EPHA6: variants seen among roughly 807,000 people sequenced by gnomAD.
EPHA6 encodes the protein EPH receptor A6.
In EPHA6, 50 loss-of-function variants were observed where a neutral mutation model predicts 112.0. The ratio of observed to expected loss-of-function variants is 0.45; its 90% CI spans 0.36 to 0.56. The LOEUF (loss-of-function observed/expected upper bound fraction) is 0.56, where lower values mean the gene tolerates loss of function less well. EPHA6 is among the 20% of genes least tolerant of loss of function. The pLI is 0.00. For missense variants in EPHA6, 1,280 were observed against 1,417.4 expected, an observed-to-expected ratio of 0.90 and a Z score of 1.56; for synonymous variants, 529 against 490.7, an observed-to-expected ratio of 1.08 and a Z score of -1.03.
chr3:96,946,228 G>A (rs900003659), intron 2 of EPHA6, among the ~76,000 whole-genome samples: 1 of 151,734 alleles, frequency 6.6e-6, no homozygotes, highest in East Asian at 1.9e-4. Context: ...CAACATGCAG[G>A]TTTGTTACGT....
chr3:97,649,344 T>A (rs1410241507), intron 14 of EPHA6, among the ~76,000 whole-genome samples: 1 of 151,956 alleles, frequency 6.6e-6, no homozygotes, highest in Non-Finnish European at 1.5e-5. Flanking sequence ...GATTCAATTA[T>A]CTCCACCTGG....
At chr3:97,100,458 A>T (rs2047371814) in intron 3 of EPHA6, among the ~76,000 whole-genome samples, 1 of 151,840 alleles carries the variant, frequency 6.6e-6, no homozygotes, top group South Asian at 2.1e-4. Flanking sequence ...TATATACATT[A>T]TTCTACTTAA....
At chr3:97,747,637 G>GT in intron 17 of EPHA6, 65 bp downstream of exon 17, 2 of 1,399,220 alleles carry the variant, frequency 1.4e-6, no homozygotes, top group Middle Eastern at 2.0e-4. Flanking sequence ...TTCAAATGCT[G>GT]TATCAAGAAC....
intron 11 of EPHA6, among the ~76,000 whole-genome samples, chr3:97,540,001 G>C (rs1010829132): frequency 6.6e-6 from 1 of 152,182 alleles, no homozygotes; most frequent in Non-Finnish European, 1.5e-5. Context: ...ATTAATTAGG[G>C]AAAGAGTTAT....
intron 13 of EPHA6, among the ~76,000 whole-genome samples, chr3:97,613,365 C>A (rs1367947166): frequency 6.6e-6 from 1 of 152,114 alleles, no homozygotes; most frequent in Non-Finnish European, 1.5e-5. Context: ...AGTAGGGGAG[C>A]CATCCGTGGC....
At chr3:96,961,021 T>C (rs1229452193) in intron 2 of EPHA6, among the ~76,000 whole-genome samples, 2 of 152,124 alleles carry the variant, frequency 1.3e-5, no homozygotes, top group East Asian at 3.9e-4. Flanking sequence ...TCCCTTACAA[T>C]GAAGGGAGAA....
chr3:96,999,402 G>A (rs943611592), intron 3 of EPHA6, among the ~76,000 whole-genome samples: 4 of 151,938 alleles, frequency 2.6e-5, no homozygotes, highest in Admixed American at 1.3e-4. Flanking sequence ...TAGTAAAGCA[G>A]ACATCTCTTA....
chr3:97,338,235 A>T (rs1370654243), intron 5 of EPHA6, among the ~76,000 whole-genome samples: 1 of 152,094 alleles, frequency 6.6e-6, no homozygotes. Context: ...TGCCAATTAG[A>T]ACCAAACCTG....
At chr3:97,171,976 CTCAAT>C (rs1207624426) in intron 3 of EPHA6, among the ~76,000 whole-genome samples, 2 of 152,086 alleles carry the variant, frequency 1.3e-5, no homozygotes, top group Non-Finnish European at 2.9e-5. Flanking sequence ...TTCAACTTTG[CTCAAT>C]TCAATACTGA....
intron 3 of EPHA6, among the ~76,000 whole-genome samples, chr3:97,177,804 C>A (rs1368783557): frequency 6.6e-6 from 1 of 151,940 alleles, no homozygotes; most frequent in Non-Finnish European, 1.5e-5. Context: ...CATGGAATAT[C>A]TCTTACCATC....
intron 10 of EPHA6, among the ~76,000 whole-genome samples, chr3:97,507,652 G>T (rs1386710707): frequency 6.6e-6 from 1 of 152,088 alleles, no homozygotes; most frequent in Non-Finnish European, 1.5e-5. Context: ...CCTGGTTTGG[G>T]TATCAGGATG....
chr3:97,096,879 TATC>T (rs1336339619), intron 3 of EPHA6, among the ~76,000 whole-genome samples: 6 of 151,980 alleles, frequency 3.9e-5, no homozygotes, highest in Admixed American at 1.3e-4. Flanking sequence ...AAATAAAGTC[TATC>T]ATCTGTTAAA....
At chr3:96,865,949 T>A (rs2036285670) in intron 1 of EPHA6, among the ~76,000 whole-genome samples, 1 of 152,012 alleles carries the variant, frequency 6.6e-6, no homozygotes, top group African/African-American at 2.4e-5. Flanking sequence ...GTTTCTATCA[T>A]CTAACTTTCC....
At chr3:96,887,607 C>T (rs980990522) in intron 2 of EPHA6, among the ~76,000 whole-genome samples, 1 of 152,150 alleles carries the variant, frequency 6.6e-6, no homozygotes, top group African/African-American at 2.4e-5. Flanking sequence ...AGAGCACCAG[C>T]TGTGGTGGTA....
rs952717697 is a variant in EPHA6 at position 97,663,948 on chromosome 3, G to C, written c.2784+25866G>C. 9.2e-5 allele frequency among the ~76,000 whole-genome samples: 14 copies of C among 152,250 alleles called. No individual in the cohort carries two copies. In the South Asian group the frequency reaches 1.7e-3, roughly 18 times the overall value. On this transcript the variant is annotated intron_variant, in intron 14 of 17. Transcript: ENST00000389672. ...ATGGTTGAACTAGTTTACAGTTCCA[G>C]CAACAGTGTAAAAGTGTTCCTATTT... is the stretch of plus-strand genomic sequence containing the variant.
rs112341445 is a variant in EPHA6, at chr3:97,379,480, G to A, written c.1607-25670G>A. ...AAGATTTTAAAAAGGGCTGGGCATGGTGGCTCACGACTGTAATCCCAACAC... is the reference window on the plus strand; with the variant it reads ...AAGATTTTAAAAAGGGCTGGGCATGATGGCTCACGACTGTAATCCCAACAC... On this transcript the variant is annotated intron_variant, in intron 5 of 17. Coordinates refer to ENST00000389672, the MANE Select transcript of EPHA6 (RefSeq NM_001080448.3). 5.2e-3 allele frequency among the ~76,000 whole-genome samples: 792 copies of A among 152,008 alleles called. 11 individuals carry two copies. The highest frequency in any genetic ancestry group is 0.018 in the African/African-American group (760 of 41,484).
intron 2 of EPHA6, among the ~76,000 whole-genome samples, chr3:96,929,816 T>C (rs1488231324): frequency 6.6e-6 from 1 of 152,210 alleles, no homozygotes; most frequent in Non-Finnish European, 1.5e-5. Context: ...TTCTGAAGTG[T>C]GTTTTCCAAG....
At chr3:97,349,991 A>G (rs1256964830) in intron 5 of EPHA6, among the ~76,000 whole-genome samples, 1 of 151,770 alleles carries the variant, frequency 6.6e-6, no homozygotes, top group Admixed American at 6.6e-5. Context: ...TTTTTGGTCT[A>G]AGAGGACCAG....
chr3:96,890,645 A>T (rs2037898845), intron 2 of EPHA6, among the ~76,000 whole-genome samples: 2 of 152,212 alleles, frequency 1.3e-5, no homozygotes. Context: ...ATATGCACAT[A>T]AAAAAATGAC....
Sources: allele counts gnomAD v4.1 joint callset (sites outside exome capture counted in the v4.1 genomes callset), GRCh38; gene constraint gnomAD v4.1.1; transcripts MANE v1.5; gene names NCBI Gene and HGNC (gene_info 2026-07-23, HGNC 2026-07-21).